The following ABTB2 variants were observed in gnomAD, a reference collection of about 807,000 sequenced individuals.
The protein encoded by ABTB2 is ankyrin repeat and BTB/POZ domain-containing protein 2.
Under a neutral mutation model 104.1 loss-of-function variants are expected in ABTB2, and 56 were observed. The ratio of observed to expected loss-of-function variants is 0.54; its 90% CI spans 0.43 to 0.67. ABTB2 has a LOEUF of 0.67. ABTB2 is among the 30% of genes least tolerant of loss of function. ABTB2 has a pLI of 0.00. For missense variants in ABTB2, 1,279 were observed against 1,407.7 expected (o/e 0.91, Z 1.46); for synonymous variants, 606 against 608.2 (o/e 1.00, Z 0.05).
chr11:34,156,545 CAG>C (rs1181599459), intron 14 of ABTB2, among the ~76,000 whole-genome samples: 37 of 147,420 alleles, frequency 2.5e-4, no homozygotes, highest in Non-Finnish European at 4.0e-4. Flanking sequence ...TTTTTTGAGA[CAG>C]AGTTTCGCTC....
Position 34,152,297 on chromosome 11 carries a change from C to T in ABTB2, c.*90G>A. On this transcript the variant is annotated 3_prime_UTR_variant, in exon 17 of 17. Transcript: ENST00000435224. The stretch of plus-strand genomic sequence containing the variant: ...AGGAGGAGGAAACAGCCCCGTGAAC[C>T]TGGCTCCAAGAGGGCCTACAACCAT... 7.1e-7 allele frequency: 1 copy of T among 1,404,942 alleles called. No individual in the cohort carries two copies. The allele number at this position is 1,404,942 out of a possible 1,614,324, so 87.0% of individuals were successfully genotyped here.
intron 1 of ABTB2, among the ~76,000 whole-genome samples, chr11:34,328,114 A>G (rs1855091908): frequency 6.6e-6 from 1 of 152,156 alleles, no homozygotes; most frequent in Non-Finnish European, 1.5e-5. Context: ...TCCAGGCTGG[A>G]TTGGCAGTCA....
intron 1 of ABTB2, among the ~76,000 whole-genome samples, chr11:34,313,766 A>G (rs1300958464): frequency 6.6e-6 from 1 of 152,222 alleles, no homozygotes; most frequent in African/African-American, 2.4e-5. Context: ...AAACAAGTGG[A>G]TCTGTGTAAA....
At chr11:34,341,291 G>A (rs1251914365) in intron 1 of ABTB2, among the ~76,000 whole-genome samples, 1 of 152,264 alleles carries the variant, frequency 6.6e-6, no homozygotes, top group East Asian at 1.9e-4. Flanking sequence ...GATAAAACCC[G>A]ACCTTGTGTC....
intron 9 of ABTB2, among the ~76,000 whole-genome samples, chr11:34,164,087 C>T (rs1057014324): frequency 6.6e-6 from 1 of 152,194 alleles, no homozygotes; most frequent in Non-Finnish European, 1.5e-5. Context: ...AAGTAAGTGT[C>T]CTGCCTGCCA....
At chr11:34,171,106 T>C (rs1302304974) in intron 4 of ABTB2, 35 bp from the exon 5 acceptor site, 2 of 1,600,830 alleles carry the variant, frequency 1.2e-6, no homozygotes, top group East Asian at 2.2e-5. Flanking sequence ...CGTGTGACTG[T>C]ATGCAGACAG....
chr11:34,198,429 CAA>C (rs1165331649), intron 2 of ABTB2, among the ~76,000 whole-genome samples: 72 of 133,804 alleles, frequency 5.4e-4, no homozygotes, highest in African/African-American at 2.1e-3. Context: ...GACTTTGTCT[CAA>C]AAAAACAAAC....
At chr11:34,188,564 A>G (rs779240740) in intron 3 of ABTB2, among the ~76,000 whole-genome samples, 30 of 152,230 alleles carry the variant, frequency 2.0e-4, no homozygotes, top group Non-Finnish European at 3.7e-4. Context: ...AATTCACCCA[A>G]TAGCTATTCT....
chr11:34,290,319 G>A (rs1475422238), intron 1 of ABTB2, among the ~76,000 whole-genome samples: 1 of 152,248 alleles, frequency 6.6e-6, no homozygotes, highest in East Asian at 1.9e-4. Flanking sequence ...CCACGGAGCA[G>A]AGAAGGCCAA....
chr11:34,227,184 G>C (rs1308238397), intron 1 of ABTB2, among the ~76,000 whole-genome samples: 1 of 150,830 alleles, frequency 6.6e-6, no homozygotes, highest in East Asian at 2.0e-4. Flanking sequence ...TGAGGCAGGA[G>C]AATCACTTGA....
chr11:34,226,498 T>A (rs1853688435), intron 1 of ABTB2, among the ~76,000 whole-genome samples: 1 of 152,168 alleles, frequency 6.6e-6, no homozygotes, highest in Admixed American at 6.6e-5. Flanking sequence ...TGGTATCACA[T>A]ATGGCTTTAA....
At chr11:34,238,898 C>T (rs1305999171) in intron 1 of ABTB2, among the ~76,000 whole-genome samples, 13 of 152,100 alleles carry the variant, frequency 8.5e-5, no homozygotes, top group South Asian at 2.1e-4. Flanking sequence ...GGACTACAGG[C>T]GCGTGCCACC....
intron 1 of ABTB2, among the ~76,000 whole-genome samples, chr11:34,316,756 T>C (rs1854936034): frequency 6.6e-6 from 1 of 152,068 alleles, no homozygotes; most frequent in Non-Finnish European, 1.5e-5. Context: ...ACACACAGAG[T>C]TTCCAAGAAT....
At chr11:34,194,724 C>T (rs984209651) in intron 3 of ABTB2, among the ~76,000 whole-genome samples, 2 of 152,076 alleles carry the variant, frequency 1.3e-5, no homozygotes, top group African/African-American at 4.8e-5. Context: ...TGTTGGCTCC[C>T]TCAGGTATTT....
intron 5 of ABTB2, among the ~76,000 whole-genome samples, chr11:34,169,829 C>A (rs1852845685): frequency 6.6e-6 from 1 of 152,134 alleles, no homozygotes; most frequent in South Asian, 2.1e-4. Context: ...TCTGCTCCGT[C>A]CCCATCCTGC....
At position 34,297,791 on chromosome 11, in the gene ABTB2, TAAAGG is replaced by T. The variant is rs138743492; in HGVS notation, c.883+58905_883+58909del. ...CAAAAAAAAAAAAAAAAAATAAAAATAAAGGAAAGAAAAAGAAAAAAACAAAATTC... is the reference window on the plus strand; with the variant it reads ...CAAAAAAAAAAAAAAAAAATAAAAATAAAGAAAAAGAAAAAAACAAAATTC... On this transcript the variant is annotated intron_variant, in intron 1 of 16. Transcript: ENST00000435224. Among the ~76,000 whole-genome samples the T allele has an allele frequency of 2.0e-4, 24 of 117,836 alleles. 3 individuals carry two copies. The highest frequency in any genetic ancestry group is 1.1e-3 in the South Asian group (4 of 3,800). 77.3% of individuals were successfully genotyped at this position (117,836 alleles called of 152,430 possible).
intron 3 of ABTB2, among the ~76,000 whole-genome samples, chr11:34,181,130 C>CT (rs1178652883): frequency 6.6e-6 from 1 of 152,120 alleles, no homozygotes; most frequent in Non-Finnish European, 1.5e-5. Context: ...GTCTCAATCT[C>CT]TTGACCTCCT....
At chr11:34,334,684 C>T (rs530227696) in intron 1 of ABTB2, among the ~76,000 whole-genome samples, 25 of 152,218 alleles carry the variant, frequency 1.6e-4, no homozygotes, top group African/African-American at 5.3e-4. Context: ...AACCATCAAC[C>T]GTGTTTCCCA....
intron 9 of ABTB2, 131 bp from the exon 10 acceptor site, chr11:34,162,936 TTCC>T: frequency 1.2e-6 from 1 of 855,400 alleles, no homozygotes; most frequent in Non-Finnish European, 1.8e-6. Context: ...TTTCATGGTC[TTCC>T]TCCTCCAGGC....
Sources: allele counts gnomAD v4.1 joint callset (sites outside exome capture counted in the v4.1 genomes callset), GRCh38; gene constraint gnomAD v4.1.1; transcripts MANE v1.5; gene names NCBI Gene and HGNC (gene_info 2026-07-23, HGNC 2026-07-21).